The following KYNU variants were observed in gnomAD, a reference collection of about 807,000 sequenced individuals.
KYNU encodes kynureninase.
Under a neutral mutation model 59.2 loss-of-function variants are expected in KYNU, and 54 were observed. The ratio of observed to expected loss-of-function variants is 0.91; its 90% CI spans 0.73 to 1.14. The LOEUF (loss-of-function observed/expected upper bound fraction) is 1.14, where lower values mean the gene tolerates loss of function less well. KYNU is among the 50% of genes most tolerant of loss of function. The pLI, the probability that KYNU is intolerant of heterozygous loss-of-function variation, is 0.00. For synonymous variants in KYNU, 177 were observed against 192.0 expected, an observed-to-expected ratio of 0.92 and a Z score of 0.65; for missense variants, 567 against 554.4, an observed-to-expected ratio of 1.02 and a Z score of -0.23.
rs1271566476 is a variant in KYNU at position 143,047,086 on chromosome 2, A to G, written c.*4914A>G. The G allele has an allele frequency of 1.3e-5, 2 of 152,136 alleles. No homozygotes were observed. The highest frequency in any genetic ancestry group is 4.8e-5 in the African/African-American group (2 of 41,426). 9.4% of individuals were successfully genotyped at this position (152,136 alleles called of 1,614,324 possible). On this transcript the variant is annotated 3_prime_UTR_variant, in exon 14 of 14. Transcript: ENST00000264170. ...ATCTTTTTTGTTGTTGTTTTAAAAG[A>G]CAGGGTCTCCCTCTGTCACCCAGGC...
intron 6 of KYNU, among the ~76,000 whole-genome samples, chr2:142,956,762 A>G (rs755476302): frequency 2.6e-5 from 4 of 152,268 alleles, no homozygotes; most frequent in East Asian, 1.9e-4. Context: ...GATTTACTAA[A>G]AAAAGTCACA....
chr2:142,955,994 T>TG, intron 5 of KYNU, among the ~76,000 whole-genome samples: 1 of 152,132 alleles, frequency 6.6e-6, no homozygotes, highest in East Asian at 1.9e-4. Context: ...GCTGTTTCAT[T>TG]GATAAGCAAA....
chr2:142,943,955 C>T (rs1558935764), intron 4 of KYNU, among the ~76,000 whole-genome samples: 1 of 152,196 alleles, frequency 6.6e-6, no homozygotes, highest in Non-Finnish European at 1.5e-5. Flanking sequence ...AATGAACCCT[C>T]TTATCCAATG....
intron 10 of KYNU, among the ~76,000 whole-genome samples, chr2:143,018,252 T>G (rs1241634970): frequency 6.6e-6 from 1 of 152,180 alleles, no homozygotes; most frequent in Non-Finnish European, 1.5e-5. Context: ...TAGGTTTTCT[T>G]CTAAGACTTT....
At chr2:143,032,907 C>A (rs914506248) in intron 11 of KYNU, among the ~76,000 whole-genome samples, 17 of 151,988 alleles carry the variant, frequency 1.1e-4, no homozygotes, top group Non-Finnish European at 2.1e-4. Context: ...AATAGAATAG[C>A]AAATGTTGAG....
Position 143,043,435 on chromosome 2 carries a change from A to G in KYNU, c.*1263A>G, listed in dbSNP as rs1687110348. 1 of 152,018 alleles carries G rather than the reference A, an allele frequency of 6.6e-6. No homozygotes were observed. The highest frequency in any genetic ancestry group is 2.4e-5 in the African/African-American group (1 of 41,436). The allele number at this position is 152,018 out of a possible 1,614,324, so 9.4% of individuals were successfully genotyped here. On this transcript the variant is annotated 3_prime_UTR_variant, in exon 14 of 14. Coordinates refer to ENST00000264170, the MANE Select transcript of KYNU (RefSeq NM_003937.3). ...AAGAGTGACATAATTATTGCCTCCA[A>G]TTAAACAAGTTTGAATGAAATAAAC...
At chr2:142,929,644 G>A (rs2105019557) in intron 4 of KYNU, among the ~76,000 whole-genome samples, 1 of 152,302 alleles carries the variant, frequency 6.6e-6, no homozygotes, top group Non-Finnish European at 1.5e-5. Context: ...TTGGGGGAGA[G>A]GAGGGGACAG....
chr2:142,887,492 T>C (rs1429271278), intron 2 of KYNU, among the ~76,000 whole-genome samples: 4 of 152,080 alleles, frequency 2.6e-5, no homozygotes, highest in African/African-American at 9.7e-5. Context: ...CCAAAAGATA[T>C]TAGTACACTC....
chr2:142,915,625 T>A (rs1239278419), intron 2 of KYNU, among the ~76,000 whole-genome samples: 1 of 152,192 alleles, frequency 6.6e-6, no homozygotes, highest in Non-Finnish European at 1.5e-5. Flanking sequence ...AAGTGAGTTT[T>A]CAGAACCATG....
rs560498951 is a variant in KYNU at position 143,044,560 on chromosome 2, G to C, written c.*2388G>C. The C allele has an allele frequency of 3.3e-5, 5 of 152,208 alleles. No homozygotes were observed. The South Asian group carries it at 1.0e-3, about 32-fold the overall frequency. 9.4% of individuals were successfully genotyped at this position (152,208 alleles called of 1,614,324 possible). A position where few individuals can be genotyped will look rare whatever the true frequency, so the allele number is the denominator to read the frequency against. On this transcript the variant is annotated 3_prime_UTR_variant, in exon 14 of 14. Coordinates refer to ENST00000264170, the MANE Select transcript of KYNU (RefSeq NM_003937.3). ...TGAGATGGTATTTCATTGTGGTTTT[G>C]ATTTGCATTTCTCTAATGACCAGTG...
chr2:142,985,862 T>C, intron 9 of KYNU, 86 bp from the exon 10 acceptor site: 1 of 869,904 alleles, frequency 1.1e-6, no homozygotes, highest in Non-Finnish European at 1.9e-6. Flanking sequence ...TGTTGTGGTT[T>C]CAATTAAAAA....
chr2:142,919,509 A>C (rs1682795573), intron 3 of KYNU, among the ~76,000 whole-genome samples: 1 of 152,266 alleles, frequency 6.6e-6, no homozygotes, highest in Non-Finnish European at 1.5e-5. Flanking sequence ...AACGTTTCAG[A>C]AAGATGAAAC....
At chr2:143,020,059 T>TA (rs999110459) in intron 10 of KYNU, among the ~76,000 whole-genome samples, 2 of 152,006 alleles carry the variant, frequency 1.3e-5, no homozygotes, top group African/African-American at 4.8e-5. Flanking sequence ...TGTTTATCTT[T>TA]AAAAAAACCA....
intron 2 of KYNU, among the ~76,000 whole-genome samples, chr2:142,890,555 G>C (rs1681678877): frequency 6.6e-6 from 1 of 152,128 alleles, no homozygotes; most frequent in African/African-American, 2.4e-5. Flanking sequence ...TCAGCTCACT[G>C]CATCCTTGAC....
chr2:142,907,331 G>C (rs770210726), intron 2 of KYNU, among the ~76,000 whole-genome samples: 1 of 152,200 alleles, frequency 6.6e-6, no homozygotes, highest in Non-Finnish European at 1.5e-5. Flanking sequence ...GAGAACCATG[G>C]AAACCACTGA....
At chr2:143,011,915 G>T in intron 10 of KYNU, among the ~76,000 whole-genome samples, 9 of 142,796 alleles carry the variant, frequency 6.3e-5, no homozygotes, top group African/African-American at 2.4e-4. Context: ...GACTGTGGTG[G>T]GGTGGGGGGA....
intron 8 of KYNU, among the ~76,000 whole-genome samples, chr2:142,979,836 A>G (rs1342458238): frequency 6.6e-6 from 1 of 152,128 alleles, no homozygotes; most frequent in African/African-American, 2.4e-5. Context: ...AGGGCTCCCA[A>G]TCCAAGAGAC....
chr2:142,879,476 CT>C (rs1553471664), intron 1 of KYNU: 1 of 152,002 alleles, frequency 6.6e-6, no homozygotes, highest in Non-Finnish European at 1.5e-5. Context: ...AAGTGTAGGA[CT>C]GAAAAAAGAA....
At chr2:142,999,269 G>T (rs1372955035) in intron 10 of KYNU, among the ~76,000 whole-genome samples, 1 of 152,046 alleles carries the variant, frequency 6.6e-6, no homozygotes, top group East Asian at 1.9e-4. Context: ...TATTTATCAA[G>T]AATTTTAGAG....
Sources: allele counts gnomAD v4.1 joint callset (sites outside exome capture counted in the v4.1 genomes callset), GRCh38; gene constraint gnomAD v4.1.1; transcripts MANE v1.5; gene names NCBI Gene and HGNC (gene_info 2026-07-23, HGNC 2026-07-21).